The following SEC16A variants were observed in gnomAD, a reference collection of about 807,000 sequenced individuals.
SEC16A encodes SEC16 homolog A, endoplasmic reticulum export factor.
Under a neutral mutation model 221.9 loss-of-function variants are expected in SEC16A, and 110 were observed. The observed-to-expected ratio is 0.50, with a 90% CI of 0.42 to 0.58. The LOEUF (loss-of-function observed/expected upper bound fraction) is 0.58, where lower values mean the gene tolerates loss of function less well. Ranked by LOEUF, SEC16A falls within the 20% of genes least tolerant of loss-of-function variation. SEC16A has a pLI of 0.00. For missense variants in SEC16A, 3,165 were observed against 3,097.8 expected, an observed-to-expected ratio of 1.02 and a Z score of -0.52; for synonymous variants, 1,393 against 1,257.7, an observed-to-expected ratio of 1.11 and a Z score of -2.28.
rs1841457568 is a variant in SEC16A, at chr9:136,475,201, G to A, written c.2415C>T (p.Ser805=). 5.0e-6 allele frequency: 8 copies of A among 1,613,740 alleles called. No homozygotes were observed. The highest frequency in any genetic ancestry group is 6.8e-6 in the Non-Finnish European group (8 of 1,179,850). Residue 805 remains serine, a synonymous_variant, in exon 3 of 32, where the codon TCC becomes TCT. Coordinates refer to ENST00000684901, the MANE Select transcript of SEC16A (RefSeq NM_014866.2). The surrounding 1 kb of genome is among the most constrained non-coding windows in gnomAD (Gnocchi z 5.0). ...PKMGEEEALQ[S]QASSGYASLL... ...AACTTGCATAACCAGAACTCGCCTGGGACTGAAGGGCCTCCTCCTCTCCCA... is the reference window on the plus strand; with the variant it reads ...AACTTGCATAACCAGAACTCGCCTGAGACTGAAGGGCCTCCTCCTCTCCCA...
chr9:136,456,884 CTGGCCGGGCGTGG>C (rs1365638896), intron 18 of SEC16A, among the ~76,000 whole-genome samples: 1 of 152,216 alleles, frequency 6.6e-6, no homozygotes, highest in Non-Finnish European at 1.5e-5. Flanking sequence ...TAAGAATATC[CTGGCCGGGCGTGG>C]TGGCTCACGC....
chr9:136,483,736 C>A, upstream of SEC16A: 2 of 985,450 alleles, frequency 2.0e-6, no homozygotes, highest in Non-Finnish European at 2.4e-6. Flanking sequence ...AAGCGCGGGG[C>A]CCTGACGCGG....
intron 2 of SEC16A, among the ~76,000 whole-genome samples, 79 bp downstream of exon 2, chr9:136,478,630 G>A (rs1257034710): frequency 6.6e-6 from 1 of 151,744 alleles, no homozygotes; most frequent in Non-Finnish European, 1.5e-5. Context: ...GAGCCCAGGA[G>A]GTCGAGACCA....
In SEC16A at chr9:136,474,207, C is replaced by T; in HGVS notation, c.3409G>A (p.Glu1137Lys). ...SGSGQAAVPS[E>K]QPWPQPVPAL... ...GGCACTGGCTGTGGCCACGGCTGCT[C>T]TGACGGCACAGCTGCCTGGCCGGAG... The change falls in exon 3 of 32, where the codon GAG (glutamate) becomes AAG (lysine). Residue 1137 changes from glutamate to lysine, a missense_variant. By Grantham distance (56) the Glu-to-Lys change is moderately conservative (BLOSUM62 1). Around this residue, in one of 3 missense-constraint regions of SEC16A, gnomAD observed 2,030 missense variants for 1,923.1 expected, o/e 1.06. Transcript: ENST00000684901. The T allele has an allele frequency of 6.2e-7, 1 of 1,611,586 alleles. No individual in the cohort carries two copies. Among genetic ancestry groups the T allele is most frequent in the Non-Finnish European group, 8.5e-7 (1 of 1,179,382 alleles).
In SEC16A at chr9:136,452,449, C is replaced by CAAAAA. The variant is rs752510860; in HGVS notation, c.6159+974_6159+978dup. On this transcript the variant is annotated intron_variant, in intron 22 of 31. Transcript: ENST00000684901. ...TGGGCGACAGAGAGAAACTCCATCT[C>CAAAAA]AAAAAAAAAAAAAAAAAAAAAAAAA... Among the ~76,000 whole-genome samples, 81 of 23,292 alleles carry CAAAAA rather than the reference C, an allele frequency of 3.5e-3. 10 individuals are homozygous for CAAAAA. Among genetic ancestry groups the CAAAAA allele is most frequent in the African/African-American group, 0.011 (66 of 6,074 alleles). The allele number at this position is 23,292 out of a possible 152,430, so 15.3% of individuals were successfully genotyped here.
At chr9:136,458,484 C>T (rs980666258) in intron 17 of SEC16A, among the ~76,000 whole-genome samples, 8 of 151,702 alleles carry the variant, frequency 5.3e-5, no homozygotes, top group African/African-American at 1.7e-4. Context: ...AAAAATTAGC[C>T]GGGCGTGGTC....
chr9:136,475,946 T>C lies in SEC16A; in HGVS notation c.1670A>G (p.Glu557Gly). The C allele has an allele frequency of 6.2e-7, 1 of 1,613,618 alleles. No individual in the cohort carries two copies. The highest frequency in any genetic ancestry group is 1.1e-5 in the South Asian group (1 of 91,084). ...TTGCTTAAAAAAACTACCTGAAGCT[T>C]CATCCTCGGGTTTTCCAACTTCTTG... is the stretch of plus-strand genomic sequence containing the variant. ...IQQEVGKPED[E>G]ASGSFFKQID... The change falls in exon 3 of 32, where the codon GAA becomes GGA. Residue 557 changes from glutamate (E) to glycine (G), a missense_variant. Physicochemically the swap from Glu to Gly is moderately conservative, Grantham distance 98 (BLOSUM62 -2). Transcript: ENST00000684901. The surrounding 1 kb of genome is among the most constrained non-coding windows in gnomAD (Gnocchi z 5.0).
intron 28 of SEC16A, among the ~76,000 whole-genome samples, chr9:136,446,268 G>A (rs1427323087): frequency 6.6e-6 from 1 of 151,698 alleles, no homozygotes; most frequent in Non-Finnish European, 1.5e-5. Flanking sequence ...ACCACACCCA[G>A]GTAAATTTTG....
chr9:136,442,444 G>C (rs1836322990), intron 31 of SEC16A, among the ~76,000 whole-genome samples: 1 of 152,236 alleles, frequency 6.6e-6, no homozygotes, highest in Non-Finnish European at 1.5e-5. Flanking sequence ...GAAGCCTGCA[G>C]TCAAGAGTGT....
intron 17 of SEC16A, among the ~76,000 whole-genome samples, chr9:136,457,821 A>G (rs7037079): frequency 0.02 from 3,032 of 152,310 alleles, 48 homozygotes; most frequent in Middle Eastern, 0.051. Context: ...GCTGGTAGCA[A>G]ACTCACTCTG....
intron 11 of SEC16A, 127 bp downstream of exon 11, chr9:136,463,336 A>AG: frequency 3.0e-6 from 4 of 1,326,944 alleles, no homozygotes; most frequent in Non-Finnish European, 4.2e-6. Context: ...GTGCTTCCTA[A>AG]GGGGGCCCTC....
chr9:136,472,538 G>A (rs983166139), intron 3 of SEC16A, among the ~76,000 whole-genome samples: 6 of 152,282 alleles, frequency 3.9e-5, no homozygotes, highest in South Asian at 4.1e-4. Context: ...CCTGCGTCCC[G>A]CTTCAGATGC....
Position 136,459,628 on chromosome 9 carries a change from C to T in SEC16A, c.5192-73G>A. On this transcript the variant is annotated intron_variant, in intron 15 of 31. Transcript: ENST00000684901. This position sits in a 1 kb window ranked among gnomAD's most constrained non-coding sequence, Gnocchi z 6.1. ...CGCTTGCAGAAGTCAAGGACGCGCACAGAAGGCACCAGAGACGCCAGCCGG... is the reference window on the plus strand; with the variant it reads ...CGCTTGCAGAAGTCAAGGACGCGCATAGAAGGCACCAGAGACGCCAGCCGG... 1.5e-6 allele frequency: 2 copies of T among 1,366,688 alleles called. No homozygotes were observed. Among genetic ancestry groups the T allele is most frequent in the East Asian group, 2.5e-5 (1 of 40,154 alleles). 84.7% of individuals were successfully genotyped at this position (1,366,688 alleles called of 1,614,324 possible).
At position 136,441,747 on chromosome 9, in the gene SEC16A, G is replaced by C. The variant is rs1425041053; in HGVS notation, c.*8C>G. On this transcript the variant is annotated 3_prime_UTR_variant, in exon 32 of 32. Coordinates refer to ENST00000684901, the MANE Select transcript of SEC16A (RefSeq NM_014866.2). ...GGGCTCCAAGTGCAAGTTCACAGCAGGGCAAGCCTAGTTCAGCACCAGGTG... is the reference window on the plus strand; with the variant it reads ...GGGCTCCAAGTGCAAGTTCACAGCACGGCAAGCCTAGTTCAGCACCAGGTG... The C allele has an allele frequency of 1.9e-6, 3 of 1,613,044 alleles. No homozygotes were observed. Among genetic ancestry groups the C allele is most frequent in the South Asian group, 1.1e-5 (1 of 91,080 alleles).
At position 136,447,972 on chromosome 9, in the gene SEC16A, T is replaced by C; in HGVS notation, c.6391-63A>G. The C allele has an allele frequency of 6.5e-7, 1 of 1,534,620 alleles. No homozygotes were observed. The highest frequency in any genetic ancestry group is 8.9e-7 in the Non-Finnish European group (1 of 1,122,172). The stretch of plus-strand genomic sequence containing the variant: ...GAACCTAAACAGAATTAGCATCTGA[T>C]TAATGATGACACTTCAAAACTTCAG... On this transcript the variant is annotated intron_variant, in intron 24 of 31. Coordinates refer to ENST00000684901, the MANE Select transcript of SEC16A (RefSeq NM_014866.2). The surrounding 1 kb of genome is among the most constrained non-coding windows in gnomAD (Gnocchi z 5.5).
chr9:136,451,197 G>A, intron 23 of SEC16A, 59 bp downstream of exon 23: 2 of 1,545,878 alleles, frequency 1.3e-6, no homozygotes, highest in Non-Finnish European at 1.8e-6. Flanking sequence ...GCTCTGGGAA[G>A]CGTGCCTCCT....
rs527585677 is a variant in SEC16A at position 136,466,479 on chromosome 9, G to C, written c.3930-17C>G. On this transcript the variant is annotated splice_polypyrimidine_tract_variant and intron_variant, in intron 6 of 31. Transcript: ENST00000684901. The surrounding 1 kb of genome is among the most constrained non-coding windows in gnomAD (Gnocchi z 5.5). The stretch of plus-strand genomic sequence containing the variant: ...TTCTCGGGCCTAGAGGAAGCCGGGG[G>C]ACAGAGGCAGAGGAATGGGAGTGCC... The C allele has an allele frequency of 1.3e-6, 2 of 1,583,808 alleles. No individual in the cohort carries two copies. Among genetic ancestry groups the C allele is most frequent in the Non-Finnish European group, 1.7e-6 (2 of 1,163,186 alleles).
Position 136,477,314 on chromosome 9 carries a change from T to C in SEC16A, c.302A>G (p.Asp101Gly). 6.2e-7 allele frequency: 1 copy of C among 1,613,750 alleles called. No homozygotes were observed. Among genetic ancestry groups the C allele is most frequent in the Non-Finnish European group, 8.5e-7 (1 of 1,179,758 alleles). Residue 101 changes from aspartate (D) to glycine (G), a missense_variant, in exon 3 of 32, where the codon GAT (aspartate) becomes GGT (glycine). Around this residue, in one of 3 missense-constraint regions of SEC16A, gnomAD observed 2,030 missense variants for 1,923.1 expected, o/e 1.06. Coordinates refer to ENST00000684901, the MANE Select transcript of SEC16A (RefSeq NM_014866.2). The part of the protein sequence containing the change: ...GLLVPHTHAR[D>G]SSQGPCEPLP... ...GGGCTCACAGGGTCCCTGAGAGCTA[T>C]CTCTGGCATGTGTGTGAGGAACAAG... is the stretch of plus-strand genomic sequence containing the variant.
rs1255453468 is a variant in SEC16A, at chr9:136,447,718, G to A, written c.6448-38C>T. Reference sequence around the variant, plus strand: ...ACACAGCTTCAGACACCCACTGTGTGCACAGAAACCCACTGGGATGGCACA... The same window carrying A: ...ACACAGCTTCAGACACCCACTGTGTACACAGAAACCCACTGGGATGGCACA... On this transcript the variant is annotated intron_variant, in intron 25 of 31. Coordinates refer to ENST00000684901, the MANE Select transcript of SEC16A (RefSeq NM_014866.2). The surrounding 1 kb of genome is among the most constrained non-coding windows in gnomAD (Gnocchi z 5.5). The A allele has an allele frequency of 3.8e-6, 6 of 1,570,670 alleles. No individual in the cohort carries two copies. Among genetic ancestry groups the A allele is most frequent in the East Asian group, 2.2e-5 (1 of 44,620 alleles).
Sources: allele counts gnomAD v4.1 joint callset (sites outside exome capture counted in the v4.1 genomes callset), GRCh38; gene constraint gnomAD v4.1.1; regional missense constraint gnomAD v4.1.1; non-coding constraint Gnocchi (gnomAD v3.1); transcripts MANE v1.5; gene names NCBI Gene and HGNC (gene_info 2026-07-23, HGNC 2026-07-21).